The following RTN4IP1 variants were observed in gnomAD, a reference collection of about 807,000 sequenced individuals.
The protein encoded by RTN4IP1 is NAD(P)H oxidoreductase RTN4IP1, mitochondrial.
A neutral mutation model predicts 46.6 loss-of-function variants in RTN4IP1; 32 were observed. The observed-to-expected ratio is 0.69, with a 90% CI of 0.52 to 0.92. The LOEUF (loss-of-function observed/expected upper bound fraction) is 0.92. Ranked by LOEUF, RTN4IP1 falls within the 40% of genes least tolerant of loss-of-function variation. The pLI is 0.00. For missense variants in RTN4IP1, 424 were observed against 485.8 expected (o/e 0.87, Z 1.20); for synonymous variants, 167 against 161.8 (o/e 1.03, Z -0.24).
intron 4 of RTN4IP1, among the ~76,000 whole-genome samples, chr6:106,607,476 A>G (rs1268544616): frequency 6.6e-6 from 1 of 152,104 alleles, no homozygotes; most frequent in Non-Finnish European, 1.5e-5. Context: ...CTCTACAACC[A>G]ACAAGGGACT....
chr6:106,577,774 G>A (rs945932930), intron 8 of RTN4IP1, among the ~76,000 whole-genome samples: 3 of 152,048 alleles, frequency 2.0e-5, no homozygotes, highest in African/African-American at 4.8e-5. Flanking sequence ...GAGGGTTAGA[G>A]GTCAAAGATT....
intron 5 of RTN4IP1, among the ~76,000 whole-genome samples, chr6:106,595,569 C>A (rs1775766915): frequency 1.3e-5 from 2 of 151,336 alleles, no homozygotes; most frequent in African/African-American, 4.9e-5. Flanking sequence ...GTGATCTCTG[C>A]CCACTGCAAC....
At chr6:106,613,121 A>T (rs1776270406) in intron 4 of RTN4IP1, among the ~76,000 whole-genome samples, 1 of 151,932 alleles carries the variant, frequency 6.6e-6, no homozygotes. Flanking sequence ...TTTCACTCTT[A>T]CTCATCAGTC....
In RTN4IP1 at chr6:106,629,163, A is replaced by G. The variant is rs1272587944; in HGVS notation, c.-142T>C. The stretch of plus-strand genomic sequence containing the variant: ...TGCAAAACGGAGCATTCGAAAATGA[A>G]GCTAATCTAATGGAGAAACTGAAAG... On this transcript the variant is annotated 5_prime_UTR_variant, in exon 1 of 9. Transcript: ENST00000369063. The G allele has an allele frequency of 1.4e-6, 1 of 710,514 alleles. No individual in the cohort carries two copies. Among genetic ancestry groups the G allele is most frequent in the Non-Finnish European group, 2.3e-6 (1 of 431,622 alleles). The allele number at this position is 710,514 out of a possible 1,614,324, so 44.0% of individuals were successfully genotyped here.
chr6:106,613,272 T>G (rs1297941741), intron 4 of RTN4IP1, among the ~76,000 whole-genome samples: 1 of 152,202 alleles, frequency 6.6e-6, no homozygotes, highest in African/African-American at 2.4e-5. Flanking sequence ...TGTCCTAGTT[T>G]AAGAAATGCC....
chr6:106,608,725 A>C (rs1401715323), intron 4 of RTN4IP1, among the ~76,000 whole-genome samples: 2 of 152,250 alleles, frequency 1.3e-5, no homozygotes, highest in African/African-American at 4.8e-5. Flanking sequence ...CAGAGGGCAG[A>C]GGTAAAGTAC....
At position 106,603,156 on chromosome 6, in the gene RTN4IP1, C is replaced by T. The variant is rs116252293; in HGVS notation, c.621-234G>A. Among the ~76,000 whole-genome samples, 381 of 152,096 alleles carry T rather than the reference C, an allele frequency of 2.5e-3. 1 individual carries two copies. The highest frequency in any genetic ancestry group is 8.9e-3 in the African/African-American group (371 of 41,492). ...GCTCTGTACCAAGAATATCAAATACCGAAAATACCAATAATTTGTTGGTTT... is the reference window on the plus strand; with the variant it reads ...GCTCTGTACCAAGAATATCAAATACTGAAAATACCAATAATTTGTTGGTTT... On this transcript the variant is annotated intron_variant, in intron 4 of 8. Transcript: ENST00000369063.
chr6:106,592,418 C>T, intron 5 of RTN4IP1, 118 bp from the exon 6 acceptor site: 2 of 1,048,990 alleles, frequency 1.9e-6, no homozygotes, highest in Middle Eastern at 4.3e-4. Context: ...CTCTAGAGAA[C>T]TTTAAGTACG....
intron 8 of RTN4IP1, among the ~76,000 whole-genome samples, chr6:106,574,605 C>A (rs1047768820): frequency 1.3e-5 from 2 of 152,166 alleles, no homozygotes; most frequent in Non-Finnish European, 2.9e-5. Context: ...CCTGTTAGAA[C>A]AACTACATCA....
At chr6:106,606,026 T>C (rs1201208756) in intron 4 of RTN4IP1, among the ~76,000 whole-genome samples, 2 of 152,090 alleles carry the variant, frequency 1.3e-5, no homozygotes, top group African/African-American at 4.8e-5. Flanking sequence ...TTGTCCCTCT[T>C]TGCAGATGAC....
chr6:106,620,523 A>G (rs1776461965), intron 3 of RTN4IP1, among the ~76,000 whole-genome samples: 1 of 152,014 alleles, frequency 6.6e-6, no homozygotes, highest in Non-Finnish European at 1.5e-5. Context: ...AGGTGCACCA[A>G]CTCCTGCATT....
intron 4 of RTN4IP1, among the ~76,000 whole-genome samples, chr6:106,610,132 G>T (rs565947328): frequency 1.3e-5 from 2 of 152,114 alleles, no homozygotes; most frequent in East Asian, 3.9e-4. Flanking sequence ...TGCTATCTCA[G>T]CTCACTGCAA....
In RTN4IP1 at chr6:106,600,968, C is replaced by T. The variant is rs146534189; in HGVS notation, c.669+1906G>A. On this transcript the variant is annotated intron_variant, in intron 5 of 8. Transcript: ENST00000369063. Reference sequence around the variant, plus strand: ...ATACCTAAGAATGGAATTGCTGGGTCATATGGTAATTCTATGTTTAACATT... The same window carrying T: ...ATACCTAAGAATGGAATTGCTGGGTTATATGGTAATTCTATGTTTAACATT... 5.6e-3 allele frequency among the ~76,000 whole-genome samples: 857 copies of T among 152,136 alleles called. 6 individuals are homozygous for T. Among genetic ancestry groups the T allele is most frequent in the African/African-American group, 0.019 (807 of 41,484 alleles).
At chr6:106,604,322 G>A (rs1776009562) in intron 4 of RTN4IP1, among the ~76,000 whole-genome samples, 1 of 152,096 alleles carries the variant, frequency 6.6e-6, no homozygotes, top group Admixed American at 6.6e-5. Flanking sequence ...CTTCCAAATT[G>A]TGTTCCTTCT....
chr6:106,609,164 T>C (rs1776160969), intron 4 of RTN4IP1, among the ~76,000 whole-genome samples: 1 of 152,242 alleles, frequency 6.6e-6, no homozygotes, highest in African/African-American at 2.4e-5. Context: ...TCCCAACTTA[T>C]TCTGCAAGCT....
chr6:106,624,240 G>C (rs1043057373), intron 1 of RTN4IP1, among the ~76,000 whole-genome samples: 2 of 152,070 alleles, frequency 1.3e-5, no homozygotes, highest in Admixed American at 6.5e-5. Context: ...ATTTTTAGTA[G>C]AGATGGGATT....
chr6:106,597,601 A>G (rs1775828824), intron 5 of RTN4IP1, among the ~76,000 whole-genome samples: 2 of 151,516 alleles, frequency 1.3e-5, no homozygotes, highest in Non-Finnish European at 2.9e-5. Context: ...TCCTCAGCCT[A>G]GCAAAGTGCT....
At chr6:106,576,029 G>A (rs753281336) in intron 8 of RTN4IP1, among the ~76,000 whole-genome samples, 36 of 152,280 alleles carry the variant, frequency 2.4e-4, no homozygotes, top group African/African-American at 5.1e-4. Context: ...CACCAGGACC[G>A]CAGTTCCAGC....
At chr6:106,594,674 T>C (rs899038739) in intron 5 of RTN4IP1, among the ~76,000 whole-genome samples, 1 of 152,206 alleles carries the variant, frequency 6.6e-6, no homozygotes, top group Non-Finnish European at 1.5e-5. Flanking sequence ...TTCTGATTTT[T>C]ATAGTAATCA....
Sources: gnomAD v4.1 joint callset for allele counts (sites outside exome capture counted in the v4.1 genomes callset) on GRCh38, gnomAD v4.1.1 for gene constraint, MANE v1.5 for transcripts, NCBI Gene and HGNC (gene_info 2026-07-23, HGNC 2026-07-21) for gene names.